The following CFAP47 variants were observed in gnomAD, a reference collection of about 807,000 sequenced individuals.
CFAP47 encodes cilia and flagella associated protein 47, also known as cilia- and flagella-associated protein 47.
CFAP47 carries 29 observed loss-of-function variants against 148.1 expected under a neutral mutation model. The observed-to-expected ratio is 0.20, with a 90% CI of 0.15 to 0.27. CFAP47 has a LOEUF of 0.27. Among genes scored for constraint, CFAP47 ranks in the 10% least tolerant of loss-of-function variants. The pLI is 1.00. For synonymous variants in CFAP47, 664 were observed against 577.3 expected, an observed-to-expected ratio of 1.15 and a Z score of -2.15; for missense variants, 1,872 against 1,697.5, an observed-to-expected ratio of 1.10 and a Z score of -1.81.
At chrX:36,352,120 G>A (rs974258609) in intron 59 of CFAP47, among the ~76,000 whole-genome samples, 7 of 110,985 alleles carry the variant, frequency 6.3e-5, no homozygotes, top group African/African-American at 2.3e-4. Context: ...ACACTGTAAA[G>A]ACAATGAAAT....
At chrX:36,297,290 G>A (rs1941251941) in intron 51 of CFAP47, among the ~76,000 whole-genome samples, 1 of 111,844 alleles carries the variant, frequency 8.9e-6, no homozygotes, top group Admixed American at 9.5e-5. Flanking sequence ...AACAGCCATA[G>A]ACAAAGCTGT....
chrX:36,345,450 T>C (rs1021149341), intron 57 of CFAP47, among the ~76,000 whole-genome samples: 1 of 111,174 alleles, frequency 9.0e-6, no homozygotes, highest in Non-Finnish European at 1.9e-5. Context: ...GTCTCGCTTA[T>C]GAGAATCTAA....
At chrX:36,309,984 C>T (rs1366556823) in intron 55 of CFAP47, among the ~76,000 whole-genome samples, 3 of 110,733 alleles carry the variant, frequency 2.7e-5, no homozygotes, top group African/African-American at 9.8e-5. Flanking sequence ...TTTTCTTTCA[C>T]TACTTCTCCT....
chrX:36,233,419 A>C (rs1940400037), intron 46 of CFAP47, among the ~76,000 whole-genome samples: 1 of 111,004 alleles, frequency 9.0e-6, no homozygotes, highest in Non-Finnish European at 1.9e-5. Context: ...CTGTTTTATC[A>C]GAGACTAGGA....
chrX:36,222,049 G>C (rs1471452591), intron 45 of CFAP47, among the ~76,000 whole-genome samples: 1 of 111,697 alleles, frequency 9.0e-6, no homozygotes, highest in Non-Finnish European at 1.9e-5. Flanking sequence ...CAGCACTCTG[G>C]TATCTGTCTA....
chrX:36,193,055 A>G (rs1478839590), intron 42 of CFAP47, among the ~76,000 whole-genome samples: 1 of 111,687 alleles, frequency 9.0e-6, no homozygotes, highest in Non-Finnish European at 1.9e-5. Context: ...CATCTCCCAT[A>G]TATTTGCATA....
At chrX:36,085,640 A>AC (rs1555971184) in intron 30 of CFAP47, 102 bp downstream of exon 30, 1 of 333,158 alleles carries the variant, frequency 3.0e-6, no homozygotes, top group Admixed American at 5.1e-5. Context: ...TTTCTAACCA[A>AC]ACACACACAC....
chrX:36,286,679 G>A (rs1421522230), intron 51 of CFAP47, among the ~76,000 whole-genome samples: 1 of 110,947 alleles, frequency 9.0e-6, no homozygotes, highest in Non-Finnish European at 1.9e-5. Context: ...TTCCTTAAAG[G>A]TTACTTTAAA....
At chrX:36,118,588 G>C (rs1212611085) in intron 33 of CFAP47, among the ~76,000 whole-genome samples, 7 of 110,466 alleles carry the variant, frequency 6.3e-5, no homozygotes, top group Non-Finnish European at 1.3e-4. Context: ...TCCTGCCTCA[G>C]CCTCCCTCCT....
Position 35,953,580 on chromosome X carries a change from AT to A in CFAP47, c.1047-5del. On this transcript the variant is annotated splice_polypyrimidine_tract_variant and intron_variant, in intron 6 of 63. Coordinates refer to ENST00000378653, the MANE Select transcript of CFAP47 (RefSeq NM_001304548.2). ...TTTGCTTTAAAAATAACTCATTGTGATTTTTTTACAGGCTAATGGCTGTTGG... is the reference window on the plus strand; with the variant it reads ...TTTGCTTTAAAAATAACTCATTGTGATTTTTTACAGGCTAATGGCTGTTGG... 3 of 1,168,427 alleles carry A rather than the reference AT, an allele frequency of 2.6e-6. No homozygotes were observed. Among genetic ancestry groups the A allele is most frequent in the South Asian group, 2.0e-5 (1 of 50,338 alleles).
At chrX:36,080,083 G>GA (rs1937945189) in intron 29 of CFAP47, among the ~76,000 whole-genome samples, 2 of 111,200 alleles carry the variant, frequency 1.8e-5, no homozygotes, top group African/African-American at 3.3e-5. Flanking sequence ...AAATTTACAA[G>GA]AAAAAAATCA....
At chrX:35,981,855 A>G (rs1423176672) in intron 15 of CFAP47, among the ~76,000 whole-genome samples, 3 of 112,025 alleles carry the variant, frequency 2.7e-5, no homozygotes, top group Non-Finnish European at 5.7e-5. Flanking sequence ...GGCCATGATC[A>G]CATTCTTTTT....
intron 63 of CFAP47, among the ~76,000 whole-genome samples, chrX:36,381,738 T>A (rs1942079890): frequency 9.0e-6 from 1 of 110,686 alleles, no homozygotes; most frequent in African/African-American, 3.3e-5. Flanking sequence ...ATATGATAAA[T>A]CTTAGTTTAT....
rs978449636 is a variant in CFAP47, at chrX:35,926,034, C to T, written c.267C>T (p.Thr89=). The change falls in exon 2 of 64, where the codon ACC becomes ACT. Residue 89 remains threonine (T), a synonymous_variant. Coordinates refer to ENST00000378653, the MANE Select transcript of CFAP47 (RefSeq NM_001304548.2). ...PVKPQFKLML[T]SLDKELASGL... ...CACTGAAGTTCAAACTGATGTTGAC[C>T]AGTCTGGATAAAGAACTTGCTTCTG... 36 of 1,202,467 alleles carry T rather than the reference C, an allele frequency of 3.0e-5. No individual in the cohort carries two copies. In the East Asian group the frequency reaches 1.1e-3, roughly 36 times the overall value.
intron 54 of CFAP47, 27 bp from the exon 55 acceptor site, chrX:36,306,744 TC>T: frequency 3.0e-6 from 3 of 992,221 alleles, no homozygotes; most frequent in Non-Finnish European, 4.2e-6. Flanking sequence ...TAATTTTTGT[TC>T]CCCCTTTGCT....
At chrX:35,923,944 C>CATATAT (rs761942015) in intron 1 of CFAP47, among the ~76,000 whole-genome samples, 1 of 59,426 alleles carries the variant, frequency 1.7e-5, no homozygotes, top group Non-Finnish European at 2.6e-5. Context: ...TATATATGTA[C>CATATAT]ATGTGTATAT....
chrX:36,194,734 A>G (rs1235110591), intron 42 of CFAP47, among the ~76,000 whole-genome samples: 1 of 111,471 alleles, frequency 9.0e-6, no homozygotes, highest in Non-Finnish European at 1.9e-5. Flanking sequence ...ATCTTGTGAG[A>G]ACTCTATCAT....
chrX:36,294,507 G>A (rs1941222720), intron 51 of CFAP47, among the ~76,000 whole-genome samples: 1 of 110,843 alleles, frequency 9.0e-6, no homozygotes, highest in South Asian at 3.8e-4. Context: ...TCAGGAGGTC[G>A]AGACCATCCT....
chrX:35,989,572 T>G, intron 16 of CFAP47, 123 bp downstream of exon 16: 1 of 1,171,938 alleles, frequency 8.5e-7, no homozygotes, highest in Non-Finnish European at 1.1e-6. Flanking sequence ...CATGCAACAG[T>G]ACTAGTTTTT....
Sources: gnomAD v4.1 joint callset for allele counts (sites outside exome capture counted in the v4.1 genomes callset) on GRCh38, gnomAD v4.1.1 for gene constraint, MANE v1.5 for transcripts, NCBI Gene and HGNC (gene_info 2026-07-23, HGNC 2026-07-21) for gene names.